The following PTCHD4 variants were observed in gnomAD, a reference collection of about 807,000 sequenced individuals.
The protein encoded by PTCHD4 is patched domain-containing protein 4.
PTCHD4 carries 33 observed loss-of-function variants against 58.1 expected under a neutral mutation model. The ratio of observed to expected loss-of-function variants is 0.57; its 90% CI spans 0.43 to 0.76. PTCHD4 has a LOEUF of 0.76. Ranked by LOEUF, PTCHD4 falls within the 30% of genes least tolerant of loss-of-function variation. PTCHD4 has a pLI of 0.00. For missense variants in PTCHD4, 1,058 were observed against 1,027.1 expected (o/e 1.03, Z -0.41); for synonymous variants, 478 against 409.6 (o/e 1.17, Z -2.02).
intron 4 of PTCHD4, among the ~76,000 whole-genome samples, chr6:47,999,023 C>A (rs1359260766): frequency 6.6e-6 from 1 of 152,152 alleles, no homozygotes; most frequent in African/African-American, 2.4e-5. Flanking sequence ...ACTATGGGTA[C>A]TTTAGACAAT....
intron 4 of PTCHD4, among the ~76,000 whole-genome samples, chr6:47,907,764 G>A (rs966562790): frequency 6.6e-6 from 1 of 152,164 alleles, no homozygotes. Context: ...TGCTGGCAAA[G>A]GTTGAGCAGG....
At chr6:47,949,224 T>C (rs948974369) in intron 4 of PTCHD4, among the ~76,000 whole-genome samples, 7 of 152,146 alleles carry the variant, frequency 4.6e-5, no homozygotes, top group African/African-American at 1.4e-4. Flanking sequence ...ACAGATTGGA[T>C]TGATGAGTTG....
At chr6:47,887,435 G>A (rs1303445067) in intron 4 of PTCHD4, among the ~76,000 whole-genome samples, 1 of 152,020 alleles carries the variant, frequency 6.6e-6, no homozygotes, top group African/African-American at 2.4e-5. Flanking sequence ...TACTGAGAAG[G>A]AAACTTGCTG....
At position 47,874,239 on chromosome 6, in the gene PTCHD4, A is replaced by G. The variant is rs75549184; in HGVS notation, c.*4064T>C. 0.011 allele frequency among the ~76,000 whole-genome samples: 1,699 copies of G among 151,842 alleles called. 40 individuals carry two copies. Among genetic ancestry groups the G allele is most frequent in the African/African-American group, 0.038 (1,588 of 41,516 alleles). Reference sequence around the variant, plus strand: ...GTTGTTACTGATACCCAGGGAAGGCAATTCTTAAATTGCTTACCTGGGGAT... The same window carrying G: ...GTTGTTACTGATACCCAGGGAAGGCGATTCTTAAATTGCTTACCTGGGGAT... On this transcript the variant is annotated 3_prime_UTR_variant, in exon 5 of 5. Coordinates refer to ENST00000339488, the MANE Select transcript of PTCHD4 (RefSeq NM_001384253.1).
At chr6:48,056,121 G>A (rs1039543521) in intron 3 of PTCHD4, among the ~76,000 whole-genome samples, 3 of 152,148 alleles carry the variant, frequency 2.0e-5, no homozygotes, top group East Asian at 1.9e-4. Context: ...CATTTCATCC[G>A]TCATTTACTG....
intron 3 of PTCHD4, among the ~76,000 whole-genome samples, chr6:48,063,309 A>G (rs1764694930): frequency 6.6e-6 from 1 of 152,170 alleles, no homozygotes; most frequent in Non-Finnish European, 1.5e-5. Context: ...CCCAAACTAG[A>G]AGCTTCACTC....
chr6:48,048,092 G>T (rs1764104769), intron 3 of PTCHD4, among the ~76,000 whole-genome samples: 1 of 151,546 alleles, frequency 6.6e-6, no homozygotes, highest in African/African-American at 2.4e-5. Context: ...CCTGAAAAAG[G>T]GGTAATGAAC....
intron 4 of PTCHD4, among the ~76,000 whole-genome samples, chr6:47,896,403 T>C (rs1001499325): frequency 7.2e-5 from 11 of 152,198 alleles, no homozygotes; most frequent in Non-Finnish European, 1.5e-4. Context: ...TAATAAATGC[T>C]TTAAAAAAAT....
In PTCHD4 at chr6:47,862,851, GTT is replaced by G. The variant is rs1763464100; in HGVS notation, c.*15450_*15451del. ...GCTTCTCTAACATGACATTATCAAT[GTT>G]TGCTTCCTGGAACACTAGTTCTTTA... On this transcript the variant is annotated 3_prime_UTR_variant, in exon 5 of 5. Transcript: ENST00000339488. 6.6e-6 allele frequency among the ~76,000 whole-genome samples: 1 copy of G among 151,832 alleles called. No individual in the cohort carries two copies. The highest frequency in any genetic ancestry group is 1.5e-5 in the Non-Finnish European group (1 of 67,850).
Position 48,094,784 on chromosome 6 carries a change from T to C in PTCHD4, c.-970+16265A>G, listed in dbSNP as rs574591622. ...GATAACAGATAAATATGGTTTCTCTTCCTTGAAATCTCAGCAGGTTAGAGG... is the reference window on the plus strand; with the variant it reads ...GATAACAGATAAATATGGTTTCTCTCCCTTGAAATCTCAGCAGGTTAGAGG... On this transcript the variant is annotated intron_variant, in intron 1 of 4. Coordinates refer to ENST00000339488, the MANE Select transcript of PTCHD4 (RefSeq NM_001384253.1). 1.5e-4 allele frequency among the ~76,000 whole-genome samples: 23 copies of C among 152,356 alleles called. 1 individual carries two copies. Among genetic ancestry groups the C allele is most frequent in the African/African-American group, 5.5e-4 (23 of 41,594 alleles).
chr6:47,918,812 T>C (rs1765340352), intron 4 of PTCHD4, among the ~76,000 whole-genome samples: 1 of 152,176 alleles, frequency 6.6e-6, no homozygotes, highest in African/African-American at 2.4e-5. Flanking sequence ...CTTTGAAATT[T>C]TCATGTACTC....
In PTCHD4 at chr6:48,047,007, A is replaced by G. The variant is rs374414281; in HGVS notation, c.417+21223T>C. 1.5e-3 allele frequency among the ~76,000 whole-genome samples: 224 copies of G among 152,018 alleles called. 4 individuals carry two copies. The South Asian group carries it at 0.045, about 30-fold the overall frequency. ...CTGTCATAAACTGAATATTGCTTGC[A>G]ATGTCTTGGATTCACTATGAGAGCC... On this transcript the variant is annotated intron_variant, in intron 3 of 4. Transcript: ENST00000339488.
chr6:48,003,215 T>C (rs547370065), intron 4 of PTCHD4, among the ~76,000 whole-genome samples: 21 of 152,320 alleles, frequency 1.4e-4, no homozygotes, highest in Admixed American at 3.9e-4. Flanking sequence ...TATGCTGTGA[T>C]GAATCTCAAA....
intron 3 of PTCHD4, among the ~76,000 whole-genome samples, chr6:48,040,699 C>T (rs971897276): frequency 6.6e-6 from 1 of 152,028 alleles, no homozygotes; most frequent in Non-Finnish European, 1.5e-5. Flanking sequence ...TGTTTTAATG[C>T]CTCAACAATT....
chr6:47,992,276 TACAC>T (rs112864747), intron 4 of PTCHD4, among the ~76,000 whole-genome samples: 182 of 152,052 alleles, frequency 1.2e-3, no homozygotes, highest in Non-Finnish European at 1.4e-3. Context: ...TGTATATATA[TACAC>T]ACACACACGT....
intron 4 of PTCHD4, among the ~76,000 whole-genome samples, chr6:47,994,361 A>T (rs192628668): frequency 2.4e-4 from 36 of 152,294 alleles, no homozygotes; most frequent in Admixed American, 8.5e-4. Flanking sequence ...GTCAGTCCAA[A>T]AATAATTTAA....
chr6:48,042,575 T>C (rs1763883881), intron 3 of PTCHD4, among the ~76,000 whole-genome samples: 1 of 151,876 alleles, frequency 6.6e-6, no homozygotes, highest in South Asian at 2.1e-4. Context: ...GAAATATCAG[T>C]TCAGCATTCT....
rs561998045 is a variant in PTCHD4 at position 47,934,714 on chromosome 6, C to T, written c.899-54778G>A. Among the ~76,000 whole-genome samples, 3 of 152,152 alleles carry T rather than the reference C, an allele frequency of 2.0e-5. No individual in the cohort carries two copies. The South Asian group carries it at 6.2e-4, about 32-fold the overall frequency. ...AGTAGCAGCTCTTCAATAAATCACT[C>T]CCCAAAATACCTTCAATTTATGTAT... On this transcript the variant is annotated intron_variant, in intron 4 of 4. Transcript: ENST00000339488.
intron 4 of PTCHD4, among the ~76,000 whole-genome samples, chr6:47,892,368 T>C (rs1456649404): frequency 6.6e-6 from 1 of 152,218 alleles, no homozygotes; most frequent in African/African-American, 2.4e-5. Flanking sequence ...AGGGATCATT[T>C]AGGGAATAAA....
Sources: gnomAD v4.1 joint callset for allele counts (sites outside exome capture counted in the v4.1 genomes callset) on GRCh38, gnomAD v4.1.1 for gene constraint, MANE v1.5 for transcripts, NCBI Gene and HGNC (gene_info 2026-07-23, HGNC 2026-07-21) for gene names.